LRRC7: variants seen among roughly 807,000 people sequenced by gnomAD.
LRRC7 encodes the protein leucine rich repeat containing 7.
Under a neutral mutation model 175.7 loss-of-function variants are expected in LRRC7, and 23 were observed. The ratio of observed to expected loss-of-function variants is 0.13; its 90% confidence interval spans 0.09 to 0.19. The LOEUF (loss-of-function observed/expected upper bound fraction) is 0.19, where lower values mean the gene tolerates loss of function less well. LRRC7 is among the 10% of genes least tolerant of loss of function. The pLI is 1.00. For synonymous variants in LRRC7, 685 were observed against 680.9 expected (o/e 1.01, Z -0.09); for missense variants, 1,354 against 1,904.7 (o/e 0.71, Z 5.38).
chr1:69,585,807 C>T (rs570028976), intron 1 of LRRC7, among the ~76,000 whole-genome samples: 1 of 152,250 alleles, frequency 6.6e-6, no homozygotes, highest in Admixed American at 6.5e-5. Context: ...AGCCAGCCAC[C>T]AGTGAGTTCA....
chr1:69,717,900 A>C lies in LRRC7; in HGVS notation c.100+39422A>C, dbSNP rs140936542. Among the ~76,000 whole-genome samples, 93 of 131,588 alleles carry C rather than the reference A, an allele frequency of 7.1e-4. 4 individuals carry two copies. The highest frequency in any genetic ancestry group is 2.8e-3 in the African/African-American group (87 of 31,150). The allele number at this position is 131,588 out of a possible 152,430, so 86.3% of individuals were successfully genotyped here. ...AAAGAGAGAAAAAGAGGAGGGAGGG[A>C]AGGAGGGAGAGAAAGAGAGAAAAAA... is the stretch of plus-strand genomic sequence containing the variant. On this transcript the variant is annotated intron_variant, in intron 2 of 26. Coordinates refer to ENST00000651989, the MANE Select transcript of LRRC7 (RefSeq NM_001370785.2).
At chr1:69,687,533 A>AAAG (rs1557600961) in intron 2 of LRRC7, among the ~76,000 whole-genome samples, 1 of 115,410 alleles carries the variant, frequency 8.7e-6, no homozygotes, top group Non-Finnish European at 2.0e-5. Flanking sequence ...AAAAAAAAAA[A>AAAG]AAAAAGAAAA....
chr1:69,737,417 T>C (rs1169575049), intron 2 of LRRC7, among the ~76,000 whole-genome samples: 4 of 152,122 alleles, frequency 2.6e-5, no homozygotes, highest in Non-Finnish European at 4.4e-5. Context: ...TTGTGAGGCC[T>C]CCTAGCCATG....
At chr1:69,729,079 C>T (rs921116493) in intron 2 of LRRC7, among the ~76,000 whole-genome samples, 4 of 152,178 alleles carry the variant, frequency 2.6e-5, no homozygotes, top group Non-Finnish European at 5.9e-5. Flanking sequence ...TGAAAACTCA[C>T]TCACTATCAC....
At chr1:69,986,884 A>G (rs1298134548) in intron 10 of LRRC7, among the ~76,000 whole-genome samples, 5 of 152,192 alleles carry the variant, frequency 3.3e-5, no homozygotes, top group Admixed American at 3.3e-4. Context: ...TTAACATGTT[A>G]AGATTCATTA....
chr1:69,746,347 T>C (rs2100876587), intron 2 of LRRC7, among the ~76,000 whole-genome samples: 1 of 152,048 alleles, frequency 6.6e-6, no homozygotes, highest in East Asian at 1.9e-4. Flanking sequence ...AATCACTATG[T>C]GCATGGCTCA....
intron 3 of LRRC7, among the ~76,000 whole-genome samples, chr1:69,783,549 G>C (rs974083056): frequency 2.6e-5 from 4 of 152,072 alleles, no homozygotes; most frequent in Admixed American, 6.6e-5. Context: ...CTGAGGTCAG[G>C]AGTTCAAGAG....
At chr1:69,828,782 C>G (rs924924577) in intron 5 of LRRC7, among the ~76,000 whole-genome samples, 2 of 152,012 alleles carry the variant, frequency 1.3e-5, no homozygotes, top group East Asian at 1.9e-4. Flanking sequence ...ATGTAAAATG[C>G]CTTTCCAGCT....
At chr1:69,780,473 A>G (rs1008810464) in intron 3 of LRRC7, among the ~76,000 whole-genome samples, 4 of 151,970 alleles carry the variant, frequency 2.6e-5, no homozygotes, top group African/African-American at 9.7e-5. Context: ...GTCTAGGGGG[A>G]AGGGAAAGGA....
intron 8 of LRRC7, among the ~76,000 whole-genome samples, chr1:69,951,298 G>A (rs755570365): frequency 2.6e-5 from 4 of 151,926 alleles, no homozygotes; most frequent in Admixed American, 6.6e-5. Flanking sequence ...CAAGATACTG[G>A]CGAAGTTGCA....
At chr1:69,631,335 T>C (rs991771169) in intron 1 of LRRC7, among the ~76,000 whole-genome samples, 6 of 152,140 alleles carry the variant, frequency 3.9e-5, no homozygotes, top group Non-Finnish European at 5.9e-5. Context: ...TTTTGGTCCT[T>C]GCTTTCTGAC....
chr1:70,000,471 G>A (rs1164172328), intron 11 of LRRC7, among the ~76,000 whole-genome samples: 13 of 152,164 alleles, frequency 8.5e-5, no homozygotes, highest in South Asian at 2.1e-4. Context: ...ACACGGTGAT[G>A]AAATTACCTA....
chr1:69,869,675 C>A (rs898702658), intron 7 of LRRC7, among the ~76,000 whole-genome samples: 2 of 152,022 alleles, frequency 1.3e-5, no homozygotes, highest in African/African-American at 4.8e-5. Context: ...AGAGAACAAG[C>A]CCCTGAAAGA....
At chr1:70,013,195 G>A (rs1011874805) in intron 13 of LRRC7, 106 bp downstream of exon 13, 21 of 552,272 alleles carry the variant, frequency 3.8e-5, no homozygotes, top group Non-Finnish European at 4.5e-5. Flanking sequence ...CGACATATAC[G>A]GAATGCAAAT....
chr1:70,000,640 G>A (rs899851213), intron 11 of LRRC7, among the ~76,000 whole-genome samples: 8 of 152,070 alleles, frequency 5.3e-5, no homozygotes, highest in Non-Finnish European at 5.9e-5. Flanking sequence ...CCTGTCTCAG[G>A]GCTTTCTTAT....
intron 2 of LRRC7, among the ~76,000 whole-genome samples, chr1:69,738,810 G>A (rs1668397198): frequency 6.6e-6 from 1 of 151,912 alleles, no homozygotes; most frequent in Non-Finnish European, 1.5e-5. Flanking sequence ...TTGAATCTTG[G>A]CAGACGGAGT....
intron 7 of LRRC7, among the ~76,000 whole-genome samples, chr1:69,908,712 TGTGTG>T (rs1301507713): frequency 5.4e-4 from 1 of 1,848 alleles, no homozygotes; most frequent in African/African-American, 2.8e-3. Context: ...ATAGGTGTGG[TGTGTG>T]GTGTGGTGCT....
At chr1:69,996,639 C>T (rs1465889847) in intron 11 of LRRC7, among the ~76,000 whole-genome samples, 2 of 152,004 alleles carry the variant, frequency 1.3e-5, no homozygotes, top group Admixed American at 6.6e-5. Flanking sequence ...TTCCTAGCAC[C>T]ATTTATTAAA....
chr1:69,840,482 TGTTA>T (rs1412969160), intron 7 of LRRC7, among the ~76,000 whole-genome samples: 1 of 152,062 alleles, frequency 6.6e-6, no homozygotes, highest in Non-Finnish European at 1.5e-5. Context: ...GATGTTGCAT[TGTTA>T]GTTATTTTCT....
Sources: allele counts gnomAD v4.1 joint callset (sites outside exome capture counted in the v4.1 genomes callset), GRCh38; gene constraint gnomAD v4.1.1; transcripts MANE v1.5; gene names NCBI Gene and HGNC (gene_info 2026-07-23, HGNC 2026-07-21).